The following NEGR1 variants were observed in gnomAD, a reference collection of about 807,000 sequenced individuals.
The protein encoded by NEGR1 is neuronal growth regulator 1.
A neutral mutation model predicts 40.9 loss-of-function variants in NEGR1; 10 were observed. That is an observed-to-expected ratio of 0.24 (90% CI 0.15 to 0.42). The LOEUF is 0.42. NEGR1 is among the 10% of genes least tolerant of loss of function. The pLI is 1.00. For missense variants in NEGR1, 352 were observed against 438.9 expected (o/e 0.80, Z 1.77); for synonymous variants, 185 against 166.8 (o/e 1.11, Z -0.84).
intron 6 of NEGR1, among the ~76,000 whole-genome samples, chr1:71,591,208 A>G (rs1649487035): frequency 6.6e-6 from 1 of 152,154 alleles, no homozygotes; most frequent in African/African-American, 2.4e-5. Context: ...ATAGCACCTC[A>G]GCATACAGCA....
At chr1:71,445,104 G>A (rs553083723) in intron 6 of NEGR1, among the ~76,000 whole-genome samples, 1 of 152,204 alleles carries the variant, frequency 6.6e-6, no homozygotes, top group South Asian at 2.1e-4. Context: ...TGGCTTCTGA[G>A]CTAAACTGGA....
intron 6 of NEGR1, among the ~76,000 whole-genome samples, chr1:71,428,024 A>C (rs1646440720): frequency 6.6e-6 from 1 of 152,138 alleles, no homozygotes. Context: ...ATGCATGCAC[A>C]CAAACACACA....
At chr1:72,117,630 C>A (rs753523665) in intron 1 of NEGR1, among the ~76,000 whole-genome samples, 7 of 151,784 alleles carry the variant, frequency 4.6e-5, no homozygotes, top group Non-Finnish European at 1.0e-4. Flanking sequence ...CACACTATGG[C>A]CCTAGCATTG....
In NEGR1 at chr1:71,693,694, T is replaced by C. The variant is rs150200106; in HGVS notation, c.667+4314A>G. 2.2e-3 allele frequency among the ~76,000 whole-genome samples: 339 copies of C among 151,700 alleles called. 1 individual carries two copies. Among genetic ancestry groups the C allele is most frequent in the African/African-American group, 7.7e-3 (318 of 41,500 alleles). On this transcript the variant is annotated intron_variant, in intron 4 of 6. Coordinates refer to ENST00000357731, the MANE Select transcript of NEGR1 (RefSeq NM_173808.3). ...CCAGTAAGTTATCTGCTAATACTTA[T>C]AGTAAATTATATCTGACCACAAGGC...
chr1:71,615,288 G>GA (rs11432692), intron 4 of NEGR1, among the ~76,000 whole-genome samples: 65,750 of 150,068 alleles, frequency 0.44, 17,108 homozygotes, highest in Non-Finnish European at 0.59. Context: ...TCACATTAAT[G>GA]AAAAAAAAAA....
At position 71,400,652 on chromosome 1, in the gene NEGR1, G is replaced by GTTTTTT. The variant is rs5775058; in HGVS notation, c.*6788_*6793dup. On this transcript the variant is annotated 3_prime_UTR_variant, in exon 7 of 7. Transcript: ENST00000357731. Reference sequence around the variant, plus strand: ...ATTATTAGATAGATAGGTTACTTGGGTTTTTTTTTTTTTGGGTCATTAAAG... The same window carrying GTTTTTT: ...ATTATTAGATAGATAGGTTACTTGGGTTTTTTTTTTTTTTTTTTTGGGTCATTAAAG... The GTTTTTT allele has an allele frequency of 7.2e-6, 1 of 139,826 alleles. No individual in the cohort carries two copies. 8.7% of individuals were successfully genotyped at this position (139,826 alleles called of 1,614,324 possible). A position where few individuals can be genotyped will look rare whatever the true frequency, so the allele number is the denominator to read the frequency against.
chr1:72,209,412 G>T (rs1175557408), intron 1 of NEGR1, among the ~76,000 whole-genome samples: 4 of 151,212 alleles, frequency 2.6e-5, no homozygotes, highest in African/African-American at 9.7e-5. Context: ...ATTCTAATTG[G>T]TCTCTTGATT....
chr1:72,149,879 C>CAAAAAAAAAAAAAAAAAAAAAAA (rs1180110033), intron 1 of NEGR1, among the ~76,000 whole-genome samples: 9 of 39,280 alleles, frequency 2.3e-4, no homozygotes, highest in Admixed American at 3.3e-4. Context: ...AAAACTCTGT[C>CAAAAAAAAAAAAAAAAAAAAAAA]AAAAAAAAAA....
intron 1 of NEGR1, among the ~76,000 whole-genome samples, chr1:72,104,309 T>A (rs1372040193): frequency 1.3e-5 from 2 of 152,126 alleles, no homozygotes; most frequent in Non-Finnish European, 2.9e-5. Context: ...CCCAATGTAA[T>A]CATAAAAGTT....
intron 1 of NEGR1, among the ~76,000 whole-genome samples, chr1:72,025,472 A>G (rs141546208): frequency 1.8e-4 from 27 of 152,288 alleles, no homozygotes; most frequent in African/African-American, 6.3e-4. Flanking sequence ...CATTGATTCA[A>G]TAACTATCTA....
intron 1 of NEGR1, among the ~76,000 whole-genome samples, chr1:72,273,975 C>G (rs1655946794): frequency 6.6e-6 from 1 of 151,270 alleles, no homozygotes; most frequent in Non-Finnish European, 1.5e-5. Flanking sequence ...CATTTTACCA[C>G]TACAAACCCA....
At chr1:71,685,963 C>A (rs1448302462) in intron 4 of NEGR1, among the ~76,000 whole-genome samples, 1 of 5,120 alleles carries the variant, frequency 2.0e-4, no homozygotes, top group East Asian at 0.1. Flanking sequence ...AGGTTAATGG[C>A]CAGATGCTAT....
intron 3 of NEGR1, among the ~76,000 whole-genome samples, chr1:71,768,300 G>C (rs1278236299): frequency 6.6e-6 from 1 of 152,194 alleles, no homozygotes; most frequent in Non-Finnish European, 1.5e-5. Flanking sequence ...GGACAGAGCT[G>C]CCCAAGGCCT....
intron 1 of NEGR1, among the ~76,000 whole-genome samples, chr1:72,091,294 ACTT>A (rs957025226): frequency 1.3e-5 from 2 of 152,040 alleles, no homozygotes; most frequent in South Asian, 2.1e-4. Flanking sequence ...GATATTATAG[ACTT>A]CTTATTTATC....
chr1:72,268,320 G>C (rs961210434), intron 1 of NEGR1, among the ~76,000 whole-genome samples: 5 of 151,440 alleles, frequency 3.3e-5, no homozygotes, highest in Non-Finnish European at 5.9e-5. Flanking sequence ...ATAAGTATGG[G>C]AGTAGCTCTC....
intron 1 of NEGR1, among the ~76,000 whole-genome samples, chr1:71,952,945 C>A (rs1646084862): frequency 6.8e-6 from 1 of 146,018 alleles, no homozygotes; most frequent in Non-Finnish European, 1.5e-5. Flanking sequence ...ATAGTTAAGA[C>A]CTACTGCTCA....
At chr1:71,553,255 A>C (rs1648145387) in intron 6 of NEGR1, among the ~76,000 whole-genome samples, 2 of 151,534 alleles carry the variant, frequency 1.3e-5, no homozygotes. Flanking sequence ...TCTCATCTCT[A>C]AGTTTTTCTG....
At chr1:71,481,410 G>C (rs1020341032) in intron 6 of NEGR1, among the ~76,000 whole-genome samples, 13 of 151,798 alleles carry the variant, frequency 8.6e-5, no homozygotes, top group Admixed American at 2.6e-4. Context: ...TTAGAGTACT[G>C]CCACCCTTCT....
intron 1 of NEGR1, among the ~76,000 whole-genome samples, chr1:71,941,549 T>C (rs1178034082): frequency 1.3e-5 from 2 of 152,116 alleles, no homozygotes; most frequent in Non-Finnish European, 2.9e-5. Flanking sequence ...TTTTTGCAGG[T>C]GTGGCAGAGG....
Sources: allele counts gnomAD v4.1 joint callset (sites outside exome capture counted in the v4.1 genomes callset), GRCh38; gene constraint gnomAD v4.1.1; transcripts MANE v1.5; gene names NCBI Gene and HGNC (gene_info 2026-07-23, HGNC 2026-07-21).